The following BICD1 variants were observed in gnomAD, a reference collection of about 807,000 sequenced individuals.
The protein encoded by BICD1 is protein bicaudal D homolog 1.
In BICD1, 35 loss-of-function variants were observed where a neutral mutation model predicts 92.5. That is an observed-to-expected ratio of 0.38 (90% CI 0.29 to 0.50). BICD1 has a LOEUF of 0.50. Ranked by LOEUF, BICD1 falls within the 20% of genes least tolerant of loss-of-function variation. The pLI, the probability that BICD1 is intolerant of heterozygous loss-of-function variation, is 0.93. For missense variants in BICD1, 950 were observed against 1,189.8 expected (o/e 0.80, Z 2.97); for synonymous variants, 429 against 465.1 (o/e 0.92, Z 1.00).
At chr12:32,111,601 T>TTTTTA (rs775629454) in intron 1 of BICD1, among the ~76,000 whole-genome samples, 6 of 152,122 alleles carry the variant, frequency 3.9e-5, no homozygotes, top group Non-Finnish European at 8.8e-5. Flanking sequence ...TGTTTTTATT[T>TTTTTA]TTTTATTTTA....
chr12:32,303,430 A>G (rs775633336), intron 3 of BICD1, among the ~76,000 whole-genome samples: 26 of 152,132 alleles, frequency 1.7e-4, no homozygotes, highest in Non-Finnish European at 2.6e-4. Flanking sequence ...ATCAGCTTTC[A>G]TTGTTCCCTT....
chr12:32,353,102 TA>T (rs1488684460), intron 8 of BICD1: 1 of 152,148 alleles, frequency 6.6e-6, no homozygotes, highest in Non-Finnish European at 1.5e-5. Context: ...CAAAAAGAGG[TA>T]AGTTGGCTAT....
chr12:32,334,015 T>C (rs1294453525), intron 5 of BICD1, among the ~76,000 whole-genome samples: 1 of 152,248 alleles, frequency 6.6e-6, no homozygotes, highest in African/African-American at 2.4e-5. Flanking sequence ...GTTTATCATA[T>C]ACTCATATTA....
At chr12:32,176,265 C>G (rs1225889332) in intron 1 of BICD1, among the ~76,000 whole-genome samples, 1 of 152,052 alleles carries the variant, frequency 6.6e-6, no homozygotes. Context: ...ATTGGTGGTT[C>G]ATTTTATGTT....
At chr12:32,180,269 C>T (rs949434609) in intron 1 of BICD1, among the ~76,000 whole-genome samples, 8 of 151,838 alleles carry the variant, frequency 5.3e-5, no homozygotes, top group South Asian at 2.1e-4. Flanking sequence ...GTCACCTCCC[C>T]GCTACATATT....
At chr12:32,128,957 T>A (rs1942441451) in intron 1 of BICD1, among the ~76,000 whole-genome samples, 1 of 151,946 alleles carries the variant, frequency 6.6e-6, no homozygotes, top group African/African-American at 2.4e-5. Context: ...TTTCTTTTTT[T>A]TTGAGACAGA....
chr12:32,309,656 C>A (rs1466809360), intron 4 of BICD1, among the ~76,000 whole-genome samples: 2 of 152,104 alleles, frequency 1.3e-5, no homozygotes, highest in East Asian at 3.9e-4. Context: ...TGATTTCGAG[C>A]TTTTTGGATT....
At chr12:32,321,476 C>T (rs922769553) in intron 4 of BICD1, among the ~76,000 whole-genome samples, 15 of 152,042 alleles carry the variant, frequency 9.9e-5, no homozygotes, top group African/African-American at 3.6e-4. Flanking sequence ...GGCAGAACAA[C>T]CAGCTCTTCT....
intron 8 of BICD1, among the ~76,000 whole-genome samples, chr12:32,365,322 A>G (rs75497245): frequency 0.027 from 4,111 of 152,262 alleles, 199 homozygotes; most frequent in African/African-American, 0.094. Context: ...CACTACAAAT[A>G]AGAAGAATGT....
intron 2 of BICD1, among the ~76,000 whole-genome samples, chr12:32,243,494 A>G (rs954446628): frequency 6.6e-6 from 1 of 152,060 alleles, no homozygotes; most frequent in Non-Finnish European, 1.5e-5. Flanking sequence ...ATAATTGATC[A>G]AATGGTAGAA....
intron 1 of BICD1, among the ~76,000 whole-genome samples, chr12:32,137,446 C>T (rs1183115024): frequency 6.6e-6 from 1 of 152,070 alleles, no homozygotes; most frequent in Non-Finnish European, 1.5e-5. Context: ...AAGCAGTACT[C>T]TCAGATACTT....
chr12:32,123,124 A>T (rs913201578), intron 1 of BICD1, among the ~76,000 whole-genome samples: 3 of 152,122 alleles, frequency 2.0e-5, no homozygotes, highest in Admixed American at 2.0e-4. Context: ...GGGGGAAAAA[A>T]CCCTGGGAAT....
chr12:32,279,079 G>A (rs925311805), intron 2 of BICD1, among the ~76,000 whole-genome samples: 3 of 152,122 alleles, frequency 2.0e-5, no homozygotes, highest in African/African-American at 7.2e-5. Context: ...GGTTATATGA[G>A]CATTAACCAA....
rs34219566 is a variant in BICD1, at chr12:32,300,631, ATTTTTTTTTTTTTT to A, written c.580-5050_580-5037del. ...GTTGAGAGGAAGATGACTTTACAGT[ATTTTTTTTTTTTTT>A]TTTTTTTTTTTTTTTGGAGACAGAG... On this transcript the variant is annotated intron_variant, in intron 3 of 9. Transcript: ENST00000652176. Among the ~76,000 whole-genome samples the A allele has an allele frequency of 1.4e-4, 11 of 80,570 alleles. No homozygotes were observed. In the Admixed American group the frequency reaches 2.0e-3, roughly 15 times the overall value. 52.9% of individuals were successfully genotyped at this position (80,570 alleles called of 152,430 possible).
At chr12:32,201,270 C>G (rs1370442108) in intron 1 of BICD1, among the ~76,000 whole-genome samples, 1 of 152,150 alleles carries the variant, frequency 6.6e-6, no homozygotes, top group Non-Finnish European at 1.5e-5. Flanking sequence ...GTCACAATGC[C>G]TCAGCTGATT....
At chr12:32,248,499 T>C (rs1946445521) in intron 2 of BICD1, among the ~76,000 whole-genome samples, 2 of 152,204 alleles carry the variant, frequency 1.3e-5, no homozygotes, top group African/African-American at 4.8e-5. Flanking sequence ...GAGAAATTGA[T>C]GAAGGAGAGA....
intron 2 of BICD1, among the ~76,000 whole-genome samples, chr12:32,228,874 G>A (rs1945786102): frequency 1.3e-5 from 2 of 152,146 alleles, no homozygotes; most frequent in African/African-American, 4.8e-5. Context: ...ATTTCTATTA[G>A]AGGTCCACCT....
At chr12:32,177,532 A>G (rs1944129876) in intron 1 of BICD1, among the ~76,000 whole-genome samples, 1 of 150,534 alleles carries the variant, frequency 6.6e-6, no homozygotes, top group South Asian at 2.1e-4. Flanking sequence ...ATGTATGTAT[A>G]TGTTCGCGAT....
chr12:32,193,435 G>C (rs1944633114), intron 1 of BICD1, among the ~76,000 whole-genome samples: 1 of 152,094 alleles, frequency 6.6e-6, no homozygotes. Context: ...TATGCACTGG[G>C]AAACCAAAAA....
Sources: allele counts gnomAD v4.1 joint callset (sites outside exome capture counted in the v4.1 genomes callset), GRCh38; gene constraint gnomAD v4.1.1; transcripts MANE v1.5; gene names NCBI Gene and HGNC (gene_info 2026-07-23, HGNC 2026-07-21).